The following FAM174C variants were observed in gnomAD, a reference collection of about 807,000 sequenced individuals.
FAM174C encodes protein FAM174C.
In FAM174C, 19 loss-of-function variants were observed where a neutral mutation model predicts 12.3. The ratio of observed to expected loss-of-function variants is 1.55; its 90% CI spans 1.08 to 2.27. The LOEUF (loss-of-function observed/expected upper bound fraction) is 2.27, where lower values mean the gene tolerates loss of function less well. Among genes scored for constraint, FAM174C ranks in the 30% most tolerant of loss-of-function variants. FAM174C has a pLI of 0.00. For synonymous variants in FAM174C, 147 were observed against 103.5 expected (o/e 1.42, Z -2.55); for missense variants, 239 against 190.2 (o/e 1.26, Z -1.51).
rs1353834867 is a variant in FAM174C at position 1,275,600 on chromosome 19, G to C, written c.51G>C (p.Leu17=). The C allele has an allele frequency of 1.6e-6, 2 of 1,249,634 alleles. No homozygotes were observed. Among genetic ancestry groups the C allele is most frequent in the Non-Finnish European group, 2.0e-6 (2 of 999,912 alleles). 77.4% of individuals were successfully genotyped at this position (1,249,634 alleles called of 1,614,324 possible). Residue 17 remains leucine (L), a synonymous_variant, in exon 1 of 3, where the codon CTG becomes CTC. Transcript: ENST00000409293. ...CGCTGCTGCTGCTCCTGCTGGCGCT[G>C]CTGCTGGCGGCGCTGCCGTGCGGTG... is the stretch of plus-strand genomic sequence containing the variant. ...QPPLLLLLLA[L]LLAALPCGAE...
Position 1,279,129 on chromosome 19 carries a change from C to T in FAM174C, c.*352C>T, listed in dbSNP as rs1351870858. ...CTCTCCTGCCCCCGTGGGGACATGG[C>T]AGCCCAGAGCCAAGGCTGGGTGGGC... is the stretch of plus-strand genomic sequence containing the variant. On this transcript the variant is annotated 3_prime_UTR_variant, in exon 3 of 3. Transcript: ENST00000409293. 1.1e-5 allele frequency: 17 copies of T among 1,612,902 alleles called. No individual in the cohort carries two copies. The highest frequency in any genetic ancestry group is 1.4e-5 in the Non-Finnish European group (16 of 1,179,998).
chr19:1,276,998 A>T lies in FAM174C; in HGVS notation c.282-185A>T, dbSNP rs2081418433. ...GTAGGGCACATGTCTTCTTACTGTC[A>T]TCGCCATGGGAGTGAATGGTAATCA... On this transcript the variant is annotated intron_variant, in intron 1 of 2. Coordinates refer to ENST00000409293, the MANE Select transcript of FAM174C (RefSeq NM_017914.4). 3 of 942,814 alleles carry T rather than the reference A, an allele frequency of 3.2e-6. No individual in the cohort carries two copies. In the South Asian group the frequency reaches 6.5e-5, roughly 20 times the overall value. 58.4% of individuals were successfully genotyped at this position (942,814 alleles called of 1,614,324 possible).
At position 1,275,602 on chromosome 19, in the gene FAM174C, T is replaced by C. The variant is rs545545504; in HGVS notation, c.53T>C (p.Leu18Pro). 2.7e-4 allele frequency: 341 copies of C among 1,250,798 alleles called. No homozygotes were observed. Among genetic ancestry groups the C allele is most frequent in the Non-Finnish European group, 3.2e-4 (319 of 1,000,610 alleles). The allele number at this position is 1,250,798 out of a possible 1,614,324, so 77.5% of individuals were successfully genotyped here. ...CTGCTGCTGCTCCTGCTGGCGCTGC[T>C]GCTGGCGGCGCTGCCGTGCGGTGCC... ...PPLLLLLLALLLAALPCGAEE... is the reference protein window; with the variant it reads ...PPLLLLLLALPLAALPCGAEE... The change falls in exon 1 of 3, where the codon CTG becomes CCG. Residue 18 changes from leucine (L) to proline (P), a missense_variant. Transcript: ENST00000409293.
Position 1,278,800 on chromosome 19 carries a change from T to G in FAM174C, c.*23T>G. ...AGATGCTGAGCCAGGGAGGCGGCCC[T>G]TCCAGCAGCCATGAGGGAAGGACAG... On this transcript the variant is annotated 3_prime_UTR_variant, in exon 3 of 3. Transcript: ENST00000409293. The G allele has an allele frequency of 6.2e-7, 1 of 1,612,912 alleles. No individual in the cohort carries two copies. Among genetic ancestry groups the G allele is most frequent in the Non-Finnish European group, 8.5e-7 (1 of 1,179,868 alleles).
chr19:1,277,142 G>T, intron 1 of FAM174C, 41 bp from the exon 2 acceptor site: 1 of 1,514,118 alleles, frequency 6.6e-7, no homozygotes, highest in Non-Finnish European at 8.9e-7. Context: ...AGGCAGGGTT[G>T]GCGGGGAGGG....
At chr19:1,277,118 C>G in intron 1 of FAM174C, 65 bp from the exon 2 acceptor site, 3 of 1,503,474 alleles carry the variant, frequency 2.0e-6, no homozygotes, top group Non-Finnish European at 1.8e-6. Flanking sequence ...AATGAGAGTC[C>G]TGAGGGAAGG....
At chr19:1,278,737 C>T (rs747163470) in intron 2 of FAM174C, 40 bp from the exon 3 acceptor site, 1 of 1,610,136 alleles carries the variant, frequency 6.2e-7, no homozygotes, top group African/African-American at 1.3e-5. Flanking sequence ...AGGGCGGGCC[C>T]TTCACTCCTT....
chr19:1,277,426 CATGG>C (rs1600043015), intron 2 of FAM174C, 127 bp downstream of exon 2: 1 of 1,405,158 alleles, frequency 7.1e-7, no homozygotes, highest in East Asian at 2.6e-5. Context: ...GTAGTCAGGC[CATGG>C]CCCCACTGGG....
chr19:1,278,157 G>T (rs1299485253), intron 2 of FAM174C, among the ~76,000 whole-genome samples: 1 of 10,732 alleles, frequency 9.3e-5, no homozygotes, highest in Non-Finnish European at 1.8e-4. Flanking sequence ...GAGGGATGAG[G>T]TCTAAGTCAG....
chr19:1,278,568 C>T (rs972756169), intron 2 of FAM174C, among the ~76,000 whole-genome samples: 9 of 151,876 alleles, frequency 5.9e-5, no homozygotes, highest in African/African-American at 1.9e-4. Flanking sequence ...CAGGTTTCTT[C>T]TACCTCCTGG....
Position 1,277,238 on chromosome 19 carries a change from A to C in FAM174C, c.337A>C (p.Thr113Pro). The C allele has an allele frequency of 6.5e-7, 1 of 1,549,796 alleles. No individual in the cohort carries two copies. Among genetic ancestry groups the C allele is most frequent in the Middle Eastern group, 1.7e-4 (1 of 5,988 alleles). ...YGLLANTEDP[T>P]EMASLDSDEE... ...CCTCCTCGCCAACACTGAGGACCCC[A>C]CGGAGATGGCCTCGCTGGACAGCGA... is the stretch of plus-strand genomic sequence containing the variant. Residue 113 changes from threonine to proline, a missense_variant, in exon 2 of 3, where the codon ACG (threonine) becomes CCG (proline). Physicochemically the swap from Thr to Pro is conservative, Grantham distance 38. Transcript: ENST00000409293.
At chr19:1,278,139 C>T (rs974521682) in intron 2 of FAM174C, among the ~76,000 whole-genome samples, 3 of 152,258 alleles carry the variant, frequency 2.0e-5, no homozygotes, top group African/African-American at 4.8e-5. Context: ...CCATCTGGGC[C>T]CCTCCCTGAG....
At chr19:1,275,946 C>CTT in intron 1 of FAM174C, 116 bp downstream of exon 1, 2 of 997,434 alleles carry the variant, frequency 2.0e-6, no homozygotes, top group African/African-American at 3.4e-5. Context: ...CTCCCTCTCT[C>CTT]CCTGTTGGAG....
chr19:1,276,176 C>G (rs543374263), intron 1 of FAM174C: 5 of 302,540 alleles, frequency 1.7e-5, no homozygotes, highest in Non-Finnish European at 2.5e-5. Flanking sequence ...TCCTTGGCTC[C>G]TTGTCGCCGG....
Position 1,279,065 on chromosome 19 carries a change from G to A in FAM174C, c.*288G>A. 1 of 1,612,208 alleles carries A rather than the reference G, an allele frequency of 6.2e-7. No individual in the cohort carries two copies. The highest frequency in any genetic ancestry group is 8.5e-7 in the Non-Finnish European group (1 of 1,179,984). ...GAGGGACCCCAACAGCCACCGCCCA[G>A]GACGCTGAGGCTCCCTTGCCTGACT... On this transcript the variant is annotated 3_prime_UTR_variant, in exon 3 of 3. Transcript: ENST00000409293.
At chr19:1,275,961 C>T (rs1246057259) in intron 1 of FAM174C, 131 bp downstream of exon 1, 7 of 862,430 alleles carry the variant, frequency 8.1e-6, no homozygotes, top group African/African-American at 4.2e-5. Flanking sequence ...TTGGAGTGGG[C>T]GTGGGCGGTG....
intron 2 of FAM174C, 83 bp downstream of exon 2, chr19:1,277,382 C>A (rs150667555): frequency 6.7e-7 from 1 of 1,485,774 alleles, no homozygotes; most frequent in East Asian, 2.5e-5. Flanking sequence ...TTGGCCAAGC[C>A]ATGGAGTGGT....
Position 1,279,114 on chromosome 19 carries a change from C to G in FAM174C, c.*337C>G. 6.2e-7 allele frequency: 1 copy of G among 1,612,994 alleles called. No individual in the cohort carries two copies. The highest frequency in any genetic ancestry group is 1.1e-5 in the South Asian group (1 of 91,088). ...CTGTGACTTGTGCCTCTCTCCTGCC[C>G]CCGTGGGGACATGGCAGCCCAGAGC... On this transcript the variant is annotated 3_prime_UTR_variant, in exon 3 of 3. Transcript: ENST00000409293.
chr19:1,279,193 C>T lies in FAM174C; in HGVS notation c.*416C>T, dbSNP rs140964217. On this transcript the variant is annotated 3_prime_UTR_variant, in exon 3 of 3. Transcript: ENST00000409293. Reference sequence around the variant, plus strand: ...AACCTTTCTGGGAACACCTTCTCGCCGGGCTGGGAACAATAAATGCAGCCA... The same window carrying T: ...AACCTTTCTGGGAACACCTTCTCGCTGGGCTGGGAACAATAAATGCAGCCA... 1.9e-5 allele frequency: 30 copies of T among 1,611,400 alleles called. No homozygotes were observed. Among genetic ancestry groups the T allele is most frequent in the African/African-American group, 6.7e-5 (5 of 75,048 alleles).
Sources: allele counts gnomAD v4.1 joint callset (sites outside exome capture counted in the v4.1 genomes callset), GRCh38; gene constraint gnomAD v4.1.1; transcripts MANE v1.5; gene names NCBI Gene and HGNC (gene_info 2026-07-23, HGNC 2026-07-21).